MAPKAPK5: variants seen among roughly 807,000 people sequenced by gnomAD.
The protein encoded by MAPKAPK5 is MAPK activated protein kinase 5, also known as MAP kinase-activated protein kinase 5.
MAPKAPK5 carries 30 observed loss-of-function variants against 65.1 expected under a neutral mutation model. The ratio of observed to expected loss-of-function variants is 0.46; its 90% CI spans 0.34 to 0.63. The LOEUF is 0.63. MAPKAPK5 is among the 20% of genes least tolerant of loss of function. MAPKAPK5 has a pLI of 0.01. For synonymous variants in MAPKAPK5, 179 were observed against 204.6 expected, an observed-to-expected ratio of 0.87 and a Z score of 1.07; for missense variants, 433 against 581.4, an observed-to-expected ratio of 0.74 and a Z score of 2.63.
At position 111,900,672 on chromosome 12, in the gene MAPKAPK5, G is replaced by A. The variant is rs967455574; in HGVS notation, c.*7611G>A. 2 of 455,992 alleles carry A rather than the reference G, an allele frequency of 4.4e-6. No individual in the cohort carries two copies. The highest frequency in any genetic ancestry group is 4.0e-5 in the African/African-American group (2 of 50,072). 28.2% of individuals were successfully genotyped at this position (455,992 alleles called of 1,614,324 possible). ...TGAAAACTGTATACTGAAGGCGAAA[G>A]CAGAGTGCAGTGATGGTCCATGTTG... is the stretch of plus-strand genomic sequence containing the variant. On this transcript the variant is annotated 3_prime_UTR_variant, in exon 14 of 14. Coordinates refer to ENST00000550735, the MANE Select transcript of MAPKAPK5 (RefSeq NM_003668.4).
intron 1 of MAPKAPK5, among the ~76,000 whole-genome samples, chr12:111,843,759 C>T (rs965152413): frequency 6.6e-6 from 1 of 152,136 alleles, no homozygotes; most frequent in South Asian, 2.1e-4. Context: ...AAACTTAACC[C>T]TTTAAAGGAG....
chr12:111,871,151 C>T lies in MAPKAPK5; in HGVS notation c.550C>T (p.Gln184Ter). Reference protein sequence around the residue: ...KIDQGDLMTPQFTPYYVAPQV... With the variant: ...KIDQGDLMTP Reference sequence around the variant, plus strand: ...TGACCAAGGTGACTTGATGACACCCCAGTTCACCCCTTATTATGTAGCACC... The same window carrying T: ...TGACCAAGGTGACTTGATGACACCCTAGTTCACCCCTTATTATGTAGCACC... The change falls in exon 7 of 14, where the codon CAG becomes TAG. Residue 184 changes from glutamine to a stop codon, truncating the protein, a stop_gained. Transcript: ENST00000550735. LOFTEE classifies it high-confidence loss of function. The T allele has an allele frequency of 6.2e-7, 1 of 1,613,784 alleles. No individual in the cohort carries two copies. Among genetic ancestry groups the T allele is most frequent in the Non-Finnish European group, 8.5e-7 (1 of 1,179,828 alleles).
intron 1 of MAPKAPK5, among the ~76,000 whole-genome samples, chr12:111,857,346 A>G (rs1457904724): frequency 2.0e-5 from 3 of 151,856 alleles, no homozygotes; most frequent in Admixed American, 6.6e-5. Context: ...GGTTCAAGCA[A>G]TTCTCCTTCC....
At chr12:111,855,783 C>T (rs904274396) in intron 1 of MAPKAPK5, among the ~76,000 whole-genome samples, 3 of 150,858 alleles carry the variant, frequency 2.0e-5, no homozygotes, top group Admixed American at 6.6e-5. Flanking sequence ...GCCAAGATTG[C>T]GCCACTGTAC....
At chr12:111,891,637 CAAAAAAAA>C (rs78504500) in intron 13 of MAPKAPK5, among the ~76,000 whole-genome samples, 1 of 86,220 alleles carries the variant, frequency 1.2e-5, no homozygotes, top group Middle Eastern at 6.4e-3. Context: ...ACTAAAAATA[CAAAAAAAA>C]AAAAAAAAAA....
intron 1 of MAPKAPK5, among the ~76,000 whole-genome samples, chr12:111,853,082 G>A (rs187986229): frequency 6.6e-6 from 1 of 152,174 alleles, no homozygotes; most frequent in East Asian, 1.9e-4. Context: ...CCTGATAAAT[G>A]TATTCCTGTT....
intron 3 of MAPKAPK5, among the ~76,000 whole-genome samples, chr12:111,867,092 G>T (rs531176908): frequency 5.9e-5 from 9 of 151,950 alleles, no homozygotes; most frequent in African/African-American, 2.2e-4. Flanking sequence ...ACCATGCCTG[G>T]CTAATTTTGT....
intron 7 of MAPKAPK5, among the ~76,000 whole-genome samples, chr12:111,876,571 TTATCAAATAAACACCA>T (rs2069981434): frequency 6.6e-6 from 1 of 152,172 alleles, no homozygotes; most frequent in African/African-American, 2.4e-5. Context: ...TTTATGGTGT[TTATCAAATAAACACCA>T]TATCAAATAA....
rs1265633291 is a variant in MAPKAPK5, at chr12:111,900,885, T to G, written c.*7824T>G. 1 of 456,058 alleles carries G rather than the reference T, an allele frequency of 2.2e-6. No homozygotes were observed. Among genetic ancestry groups the G allele is most frequent in the East Asian group, 6.9e-5 (1 of 14,394 alleles). 28.3% of individuals were successfully genotyped at this position (456,058 alleles called of 1,614,324 possible). A position where few individuals can be genotyped will look rare whatever the true frequency, so the allele number is the denominator to read the frequency against. Reference sequence around the variant, plus strand: ...TTGTATGGACCCTAATAATCAGTGCTTACAATTATATGGATATGGTGCAAA... The same window carrying G: ...TTGTATGGACCCTAATAATCAGTGCGTACAATTATATGGATATGGTGCAAA... On this transcript the variant is annotated 3_prime_UTR_variant, in exon 14 of 14. Coordinates refer to ENST00000550735, the MANE Select transcript of MAPKAPK5 (RefSeq NM_003668.4).
Position 111,891,049 on chromosome 12 carries a change from T to G in MAPKAPK5, c.1321+905T>G, listed in dbSNP as rs184956284. Among the ~76,000 whole-genome samples the G allele has an allele frequency of 3.7e-3, 568 of 152,304 alleles. 27 individuals carry two copies. The highest frequency in any genetic ancestry group is 0.032 in the Admixed American group (490 of 15,298). ...CAGGGAAGGGAGCAAACTGAAGATTTCAATGCCTCACTTGTTTCCGCGTTT... is the reference window on the plus strand; with the variant it reads ...CAGGGAAGGGAGCAAACTGAAGATTGCAATGCCTCACTTGTTTCCGCGTTT... On this transcript the variant is annotated intron_variant, in intron 13 of 13. Coordinates refer to ENST00000550735, the MANE Select transcript of MAPKAPK5 (RefSeq NM_003668.4).
At chr12:111,880,312 G>A (rs1292431977) in intron 7 of MAPKAPK5, 135 bp from the exon 8 acceptor site, 2 of 716,270 alleles carry the variant, frequency 2.8e-6, no homozygotes, top group East Asian at 5.3e-5. Flanking sequence ...GAAGTGTAGT[G>A]TTTATGTGGA....
intron 8 of MAPKAPK5, among the ~76,000 whole-genome samples, chr12:111,881,402 CCTT>C (rs963601919): frequency 8.6e-6 from 1 of 116,744 alleles, no homozygotes; most frequent in East Asian, 2.8e-4. Context: ...CCTGTCTGTT[CCTT>C]TTTTTTTTTT....
chr12:111,880,820 G>A (rs943850722), intron 8 of MAPKAPK5, among the ~76,000 whole-genome samples: 3 of 152,172 alleles, frequency 2.0e-5, no homozygotes, highest in Admixed American at 1.3e-4. Flanking sequence ...ATTAGGGACC[G>A]TGATCATCAG....
chr12:111,883,966 G>T lies in MAPKAPK5; in HGVS notation c.848+198G>T, dbSNP rs2070320134. On this transcript the variant is annotated intron_variant, in intron 9 of 13. Transcript: ENST00000550735. This position sits in a 1 kb window ranked among gnomAD's most constrained non-coding sequence, Gnocchi z 4.8. ...TGCGAATGAAGCTTTCCTCCCTCCT[G>T]TTGCATCCCTAGACTTTGTCCCCAG... Among the ~76,000 whole-genome samples the T allele has an allele frequency of 6.6e-6, 1 of 152,172 alleles. No homozygotes were observed. The highest frequency in any genetic ancestry group is 6.5e-5 in the Admixed American group (1 of 15,274).
At chr12:111,880,139 T>C in intron 7 of MAPKAPK5, 1 of 377,466 alleles carries the variant, frequency 2.6e-6, no homozygotes, top group Non-Finnish European at 5.1e-6. Context: ...TGCTTTCGCA[T>C]AGGCATAAGG....
chr12:111,866,089 A>G (rs1426988431), intron 2 of MAPKAPK5, 67 bp from the exon 3 acceptor site: 6 of 1,262,516 alleles, frequency 4.8e-6, no homozygotes, highest in African/African-American at 3.0e-5. Flanking sequence ...TCAAAGAAAA[A>G]GCTTGTTAAA....
chr12:111,874,967 C>T (rs894981642), intron 7 of MAPKAPK5, among the ~76,000 whole-genome samples: 4 of 151,686 alleles, frequency 2.6e-5, no homozygotes, highest in East Asian at 1.9e-4. Flanking sequence ...TTAGTAGAGA[C>T]GGGGTTTCAC....
In MAPKAPK5 at chr12:111,899,756, A is replaced by G. The variant is rs2070957730; in HGVS notation, c.*6695A>G. On this transcript the variant is annotated 3_prime_UTR_variant, in exon 14 of 14. Coordinates refer to ENST00000550735, the MANE Select transcript of MAPKAPK5 (RefSeq NM_003668.4). ...CTTTTGTTTCTGTCAACATCTGTGC[A>G]GGTCTCAGGGGCACATCCTCCTGAT... is the stretch of plus-strand genomic sequence containing the variant. 5.6e-6 allele frequency: 2 copies of G among 359,376 alleles called. No homozygotes were observed. The highest frequency in any genetic ancestry group is 8.3e-4 in the Middle Eastern group (1 of 1,200). The allele number at this position is 359,376 out of a possible 1,614,324, so 22.3% of individuals were successfully genotyped here. A position where few individuals can be genotyped will look rare whatever the true frequency, so the allele number is the denominator to read the frequency against.
intron 1 of MAPKAPK5, among the ~76,000 whole-genome samples, chr12:111,847,451 A>G (rs1467724809): frequency 6.6e-6 from 1 of 151,966 alleles, no homozygotes. Flanking sequence ...CCATAGCCCC[A>G]TGACTTTGCT....
Sources: allele counts gnomAD v4.1 joint callset (sites outside exome capture counted in the v4.1 genomes callset), GRCh38; gene constraint gnomAD v4.1.1; non-coding constraint Gnocchi (gnomAD v3.1); transcripts MANE v1.5; gene names NCBI Gene and HGNC (gene_info 2026-07-23, HGNC 2026-07-21).